Variants in TTN observed in about 807,000 individuals in gnomAD.
TTN encodes the protein connectin.
In TTN, 1,525 loss-of-function variants were observed where a neutral mutation model predicts 3,223.0. The ratio of observed to expected loss-of-function variants is 0.47; its 90% CI spans 0.45 to 0.49. The LOEUF is 0.49. Among genes scored for constraint, TTN ranks in the 20% least tolerant of loss-of-function variants. The probability of loss-of-function intolerance (pLI) is 0.00; values close to 1 mark genes in which losing one functional copy is unlikely to be tolerated. For synonymous variants in TTN, 14,094 were observed against 15,161.0 expected (o/e 0.93, Z 5.17); for missense variants, 40,786 against 43,424.0 (o/e 0.94, Z 5.40).
intron 46 of TTN, 74 bp from the exon 47 acceptor site, chr2:178,753,254 A>G (rs557335492): frequency 1.6e-6 from 2 of 1,212,300 alleles, no homozygotes; most frequent in East Asian, 2.4e-5. Flanking sequence ...CATGACTTGT[A>G]TGATTAAAGT....
At position 178,647,303 on chromosome 2, in the gene TTN, C is replaced by T. The variant is rs983952219; in HGVS notation, c.40141+78G>A. 23 of 1,459,918 alleles carry T rather than the reference C, an allele frequency of 1.6e-5. No individual in the cohort carries two copies. In the Admixed American group the frequency reaches 1.8e-4, roughly 12 times the overall value. The allele number at this position is 1,459,918 out of a possible 1,614,324, so 90.4% of individuals were successfully genotyped here. On this transcript the variant is annotated intron_variant, in intron 214 of 362. Transcript: ENST00000589042. ...TAACTTCAATACAGACAGACAAATACGTAAGATTCATCTACAATCAAAGCA... is the reference window on the plus strand; with the variant it reads ...TAACTTCAATACAGACAGACAAATATGTAAGATTCATCTACAATCAAAGCA...
In TTN at chr2:178,533,214, C is replaced by G. The variant is rs1340034332; in HGVS notation, c.103401G>C (p.Glu34467Asp). The G allele has an allele frequency of 6.2e-7, 1 of 1,613,822 alleles. No individual in the cohort carries two copies. The highest frequency in any genetic ancestry group is 8.5e-7 in the Non-Finnish European group (1 of 1,179,872). The stretch of plus-strand genomic sequence containing the variant: ...GTTTTTGTACGTGTCGCTCATGCTC[C>G]TCCTTACTCTTGAATTCCTGTTTCT... The part of the protein sequence containing the change: ...RYKKQEFKSK[E>D]EHERHVQKQI... Residue 34467 changes from glutamate (E) to aspartate (D), a missense_variant, in exon 358 of 363, where the codon GAG becomes GAC. Coordinates refer to ENST00000589042, the MANE Select transcript of TTN (RefSeq NM_001267550.2).
intron 147 of TTN, among the ~76,000 whole-genome samples, chr2:178,676,844 GGAA>G (rs1378186306): frequency 6.6e-6 from 1 of 151,252 alleles, no homozygotes; most frequent in Non-Finnish European, 1.5e-5. Context: ...AATGGTTGAA[GGAA>G]GAAATTTAAG....
rs773164933 is a variant in TTN at position 178,702,607 on chromosome 2, A to G, written c.30280T>C (p.Ser10094Pro). The G allele has an allele frequency of 2.5e-6, 4 of 1,614,016 alleles. No individual in the cohort carries two copies. In the Admixed American group the frequency reaches 6.7e-5, roughly 27 times the overall value. The change falls in exon 107 of 363, where the codon TCT becomes CCT. Residue 10094 changes from serine (S) to proline (P), a missense_variant. Physicochemically the swap from Ser to Pro is moderately conservative, Grantham distance 74. Transcript: ENST00000589042. ...IQNIVVSEHQ[S>P]ATFECEVSFD... ...GACACTTCACACTCAAAGGTGGCAG[A>G]CTGATGCTCACTCACCACGATGTTC...
intron 313 of TTN, 154 bp downstream of exon 313, chr2:178,582,786 T>A (rs2048081388): frequency 1.1e-6 from 1 of 927,348 alleles, no homozygotes; most frequent in Non-Finnish European, 1.5e-6. Context: ...AAGCTCTTTT[T>A]AACTCTAAAA....
chr2:178,665,021 T>C (rs2065657266), intron 165 of TTN, 95 bp from the exon 166 acceptor site: 1 of 1,373,642 alleles, frequency 7.3e-7, no homozygotes, highest in Admixed American at 2.1e-5. Flanking sequence ...CATTTTCTTC[T>C]CTTTCCTCCA....
chr2:178,727,994 T>C, intron 67 of TTN, 116 bp downstream of exon 67: 1 of 1,414,896 alleles, frequency 7.1e-7, no homozygotes, highest in Non-Finnish European at 9.3e-7. Flanking sequence ...ACAATGAATA[T>C]GTATCTAAAG....
Position 178,649,268 on chromosome 2 carries a change from G to T in TTN, c.40037C>A (p.Pro13346Gln). Residue 13346 changes from proline (P) to glutamine (Q), a missense_variant, in exon 213 of 363, where the codon CCA (proline) becomes CAA (glutamine). Pro to Gln is a moderately conservative substitution (Grantham distance 76). Transcript: ENST00000589042. Reference sequence around the variant, plus strand: ...GGTACCTTTTTCTGGAAGAACTTCTGGTTTTTTGGTAACAGGCACAGGTTC... The same window carrying T: ...GGTACCTTTTTCTGGAAGAACTTCTTGTTTTTTGGTAACAGGCACAGGTTC... ...KKEPVPVTKKPEVLPEKVPKV... is the reference protein window; with the variant it reads ...KKEPVPVTKKQEVLPEKVPKV... 6.7e-7 allele frequency: 1 copy of T among 1,499,392 alleles called. No individual in the cohort carries two copies. Among genetic ancestry groups the T allele is most frequent in the Non-Finnish European group, 8.9e-7 (1 of 1,129,902 alleles). The allele number at this position is 1,499,392 out of a possible 1,614,324, so 92.9% of individuals were successfully genotyped here. A position where few individuals can be genotyped will look rare whatever the true frequency, so the allele number is the denominator to read the frequency against.
chr2:178,710,988 A>T (rs2076574731), intron 97 of TTN, 66 bp from the exon 98 acceptor site: 1 of 1,551,108 alleles, frequency 6.4e-7, no homozygotes, highest in Non-Finnish European at 8.7e-7. Context: ...TTACTGAAAT[A>T]GAAATTTCTC....
chr2:178,598,100 T>G, intron 292 of TTN, 42 bp from the exon 293 acceptor site: 1 of 1,582,942 alleles, frequency 6.3e-7, no homozygotes, highest in South Asian at 1.1e-5. Flanking sequence ...GAATAGTTCT[T>G]TGTAGCTTCT....
At position 178,634,830 on chromosome 2, in the gene TTN, T is replaced by A; in HGVS notation, c.42044A>T (p.Glu14015Val). 6.2e-7 allele frequency: 1 copy of A among 1,610,404 alleles called. No homozygotes were observed. The highest frequency in any genetic ancestry group is 8.5e-7 in the Non-Finnish European group (1 of 1,178,792). The change falls in exon 229 of 363, where the codon GAA becomes GTA. Residue 14015 changes from glutamate to valine, a missense_variant. By Grantham distance (121) the Glu-to-Val change is moderately radical. Transcript: ENST00000589042. The surrounding 1 kb of genome is among the most constrained non-coding windows in gnomAD (Gnocchi z 4.6). The stretch of plus-strand genomic sequence containing the variant: ...CAAAGTTAAGAAGCGTTTTCCACCT[T>A]CTGCTTTGATTTCACAAGTCTGAAA... ...RPSPTCEIKA[E>V]GGKRFLTLHK...
rs752958666 is a variant in TTN, at chr2:178,587,630, T to C, written c.63679A>G (p.Thr21227Ala). Residue 21227 changes from threonine (T) to alanine (A), a missense_variant, in exon 306 of 363, where the codon ACT becomes GCT. Coordinates refer to ENST00000589042, the MANE Select transcript of TTN (RefSeq NM_001267550.2). The stretch of plus-strand genomic sequence containing the variant: ...TTGGGGATGACAAGGAAGGCCATAG[T>C]GTCAACCAGATCAACTTGTCCTTTT... ...VRKGQVDLVD[T>A]MAFLVIPNST... 7 of 1,612,646 alleles carry C rather than the reference T, an allele frequency of 4.3e-6. No individual in the cohort carries two copies. Among genetic ancestry groups the C allele is most frequent in the African/African-American group, 1.3e-5 (1 of 74,834 alleles).
At chr2:178,752,667 T>G (rs976286188) in intron 47 of TTN, among the ~76,000 whole-genome samples, 8 of 152,058 alleles carry the variant, frequency 5.3e-5, no homozygotes, top group African/African-American at 1.9e-4. Flanking sequence ...GTAAACCAGA[T>G]GGGAATGTAA....
chr2:178,692,708 A>G (rs975451192), intron 119 of TTN, 128 bp from the exon 120 acceptor site: 4 of 652,710 alleles, frequency 6.1e-6, no homozygotes, highest in African/African-American at 5.6e-5. Flanking sequence ...TGCTTTAGAA[A>G]TGAGAGTAAA....
intron 45 of TTN, 118 bp from the exon 46 acceptor site, chr2:178,756,915 T>C: frequency 1.1e-6 from 1 of 896,368 alleles, no homozygotes; most frequent in Non-Finnish European, 1.7e-6. Flanking sequence ...AGTTGTCACT[T>C]GAAAGCAGCA....
Position 178,552,529 on chromosome 2 carries a change from T to A in TTN, c.90371A>T (p.Glu30124Val). The change falls in exon 335 of 363, where the codon GAA becomes GTA. Residue 30124 changes from glutamate (E) to valine (V), a missense_variant. Coordinates refer to ENST00000589042, the MANE Select transcript of TTN (RefSeq NM_001267550.2). ...PVTIGPITVK[E>V]LIITPEVDLS... ...GTCAACTTCAGGTGTAATAATAAGT[T>A]CTTTCACTGTAATTGGCCCAATAGT... is the stretch of plus-strand genomic sequence containing the variant. 6.2e-7 allele frequency: 1 copy of A among 1,613,766 alleles called. No homozygotes were observed. The highest frequency in any genetic ancestry group is 8.5e-7 in the Non-Finnish European group (1 of 1,179,780).
At position 178,620,642 on chromosome 2, in the gene TTN, A is replaced by C. The variant is rs750762672; in HGVS notation, c.45896-17T>G. The C allele has an allele frequency of 1.2e-6, 2 of 1,601,564 alleles. No homozygotes were observed. Among genetic ancestry groups the C allele is most frequent in the South Asian group, 2.3e-5 (2 of 87,962 alleles). Reference sequence around the variant, plus strand: ...GGTCTTCCTCTGTTGTAAAGGAGAAAAATATGTTGATTTTAATTATTTTTA... The same window carrying C: ...GGTCTTCCTCTGTTGTAAAGGAGAACAATATGTTGATTTTAATTATTTTTA... On this transcript the variant is annotated splice_polypyrimidine_tract_variant and intron_variant, in intron 247 of 362. Transcript: ENST00000589042.
chr2:178,595,433 A>G (rs2051291416), intron 295 of TTN, 74 bp downstream of exon 295: 5 of 1,403,008 alleles, frequency 3.6e-6, no homozygotes, highest in Middle Eastern at 1.9e-4. Flanking sequence ...ATTTATACAC[A>G]TATTTTTTCA....
At chr2:178,663,790 A>T (rs1317656151) in intron 170 of TTN, 29 bp downstream of exon 170, 2 of 1,613,050 alleles carry the variant, frequency 1.2e-6, no homozygotes, top group Admixed American at 3.3e-5. Context: ...AAAGAATGAG[A>T]TCTGAAGCCT....
Sources: gnomAD v4.1 joint callset for allele counts (sites outside exome capture counted in the v4.1 genomes callset) on GRCh38, gnomAD v4.1.1 for gene constraint, Gnocchi (gnomAD v3.1) non-coding constraint, MANE v1.5 for transcripts, NCBI Gene and HGNC (gene_info 2026-07-23, HGNC 2026-07-21) for gene names.